The following MYO1D variants were observed in gnomAD, a reference collection of about 807,000 sequenced individuals.
The protein encoded by MYO1D is myosin ID.
Under a neutral mutation model 122.0 loss-of-function variants are expected in MYO1D, and 83 were observed. That is an observed-to-expected ratio of 0.68 (90% CI 0.57 to 0.82). The LOEUF (loss-of-function observed/expected upper bound fraction) is 0.82, where lower values mean the gene tolerates loss of function less well. MYO1D is among the 40% of genes least tolerant of loss of function. The pLI is 0.00. For synonymous variants in MYO1D, 464 were observed against 446.9 expected, an observed-to-expected ratio of 1.04 and a Z score of -0.48; for missense variants, 1,157 against 1,269.5, an observed-to-expected ratio of 0.91 and a Z score of 1.35.
chr17:32,632,586 TACACACACACACACACAC>T (rs71144846), intron 20 of MYO1D: 8 of 96,566 alleles, frequency 8.3e-5, no homozygotes, highest in African/African-American at 4.1e-4. Context: ...TATATATATA[TACACACACACACACACAC>T]ACACACACAC....
intron 13 of MYO1D, among the ~76,000 whole-genome samples, chr17:32,740,866 A>G (rs968465729): frequency 6.6e-6 from 1 of 152,190 alleles, no homozygotes; most frequent in African/African-American, 2.4e-5. Context: ...CCCAGTATGT[A>G]TAATAGGTAA....
intron 1 of MYO1D, among the ~76,000 whole-genome samples, chr17:32,783,538 A>C (rs2151031175): frequency 6.6e-6 from 1 of 152,328 alleles, no homozygotes; most frequent in East Asian, 1.9e-4. Context: ...AAAATAATTG[A>C]ATGCATAACT....
At chr17:32,621,408 G>A (rs1006667879) in intron 20 of MYO1D, among the ~76,000 whole-genome samples, 1 of 151,838 alleles carries the variant, frequency 6.6e-6, no homozygotes, top group African/African-American at 2.4e-5. Flanking sequence ...CCCACTAAAC[G>A]ACAAGCAGAA....
chr17:32,753,069 T>C (rs1332935696), intron 11 of MYO1D, among the ~76,000 whole-genome samples: 4 of 152,196 alleles, frequency 2.6e-5, no homozygotes, highest in Non-Finnish European at 4.4e-5. Flanking sequence ...GATATACATA[T>C]ATATAATGGA....
At position 32,705,466 on chromosome 17, in the gene MYO1D, T is replaced by C. The variant is rs71377452; in HGVS notation, c.2121+6522A>G. Among the ~76,000 whole-genome samples the C allele has an allele frequency of 4.2e-3, 643 of 152,208 alleles. 3 individuals are homozygous for C. The highest frequency in any genetic ancestry group is 0.015 in the African/African-American group (625 of 41,548). ...TTTTAGTAGAGACGGGGTTTCACCA[T>C]GTTAGCCAGGATGGTCTAGAACTCC... On this transcript the variant is annotated intron_variant, in intron 16 of 21. Transcript: ENST00000318217.
At chr17:32,787,973 C>T (rs1250744636) in intron 1 of MYO1D, among the ~76,000 whole-genome samples, 1 of 152,172 alleles carries the variant, frequency 6.6e-6, no homozygotes, top group Non-Finnish European at 1.5e-5. Context: ...ATCTATACCA[C>T]ATTTTCTTTA....
At chr17:32,500,195 G>C (rs1279422994) in intron 21 of MYO1D, among the ~76,000 whole-genome samples, 6 of 152,186 alleles carry the variant, frequency 3.9e-5, no homozygotes, top group Admixed American at 3.9e-4. Flanking sequence ...GCCGCGTAAG[G>C]CTGCAGGCCT....
intron 1 of MYO1D, among the ~76,000 whole-genome samples, chr17:32,820,108 C>G (rs564189039): frequency 6.6e-6 from 1 of 152,290 alleles, no homozygotes; most frequent in South Asian, 2.1e-4. Flanking sequence ...AGGGTAGTTT[C>G]TCTTTTAAAA....
chr17:32,561,716 G>A (rs2087128182), intron 21 of MYO1D, among the ~76,000 whole-genome samples: 1 of 149,048 alleles, frequency 6.7e-6, no homozygotes, highest in African/African-American at 2.5e-5. Flanking sequence ...AAGAAAACTT[G>A]GAAAGTGACA....
At chr17:32,756,881 C>A (rs1303706514) in intron 10 of MYO1D, among the ~76,000 whole-genome samples, 3 of 152,184 alleles carry the variant, frequency 2.0e-5, no homozygotes, top group African/African-American at 7.2e-5. Flanking sequence ...CAATCCTCTG[C>A]CACACCTGTT....
chr17:32,621,072 C>A (rs2087849731), intron 20 of MYO1D, among the ~76,000 whole-genome samples: 2 of 151,990 alleles, frequency 1.3e-5, no homozygotes, highest in Non-Finnish European at 1.5e-5. Flanking sequence ...ATATACATAA[C>A]CTGAAGGTAA....
chr17:32,646,293 T>C (rs983010739), intron 19 of MYO1D, among the ~76,000 whole-genome samples: 73 of 152,252 alleles, frequency 4.8e-4, no homozygotes, highest in African/African-American at 1.7e-3. Flanking sequence ...TACTATCACT[T>C]GTATGAATCT....
At chr17:32,545,721 T>A (rs1324456578) in intron 21 of MYO1D, among the ~76,000 whole-genome samples, 2 of 152,060 alleles carry the variant, frequency 1.3e-5, no homozygotes, top group African/African-American at 2.4e-5. Flanking sequence ...AAATTTTATA[T>A]GCAATTCGCC....
intron 1 of MYO1D, among the ~76,000 whole-genome samples, chr17:32,789,004 T>G (rs947747306): frequency 3.3e-5 from 4 of 120,276 alleles, no homozygotes; most frequent in Admixed American, 2.4e-4. Flanking sequence ...TTGTTTTTTG[T>G]TTTGTTTTGT....
intron 21 of MYO1D, among the ~76,000 whole-genome samples, chr17:32,552,059 C>A (rs191541557): frequency 4.7e-4 from 72 of 152,280 alleles, no homozygotes; most frequent in Non-Finnish European, 4.1e-4. Flanking sequence ...TGCAGTCAAG[C>A]TTTACTTATG....
intron 16 of MYO1D, among the ~76,000 whole-genome samples, chr17:32,693,527 G>A (rs749484719): frequency 2.0e-5 from 3 of 152,146 alleles, no homozygotes; most frequent in Non-Finnish European, 4.4e-5. Flanking sequence ...CATAGGAAAT[G>A]TTTTCCTTGC....
At chr17:32,578,823 GTAGGAA>G (rs2087301801) in intron 21 of MYO1D, among the ~76,000 whole-genome samples, 1 of 152,078 alleles carries the variant, frequency 6.6e-6, no homozygotes, top group Non-Finnish European at 1.5e-5. Flanking sequence ...TTTATTACAT[GTAGGAA>G]TTGCCTAGGG....
intron 21 of MYO1D, among the ~76,000 whole-genome samples, chr17:32,512,247 CAGAGATGGCG>C (rs1909720237): frequency 6.6e-6 from 1 of 151,474 alleles, no homozygotes; most frequent in Non-Finnish European, 1.5e-5. Context: ...TTGCAGTGAG[CAGAGATGGCG>C]CCACTGCCTT....
intron 14 of MYO1D, among the ~76,000 whole-genome samples, chr17:32,737,518 G>A (rs2089719405): frequency 6.6e-6 from 1 of 152,056 alleles, no homozygotes; most frequent in Admixed American, 6.5e-5. Context: ...GTGCCACCAT[G>A]CCTGGCTAAT....
Sources: gnomAD v4.1 joint callset for allele counts (sites outside exome capture counted in the v4.1 genomes callset) on GRCh38, gnomAD v4.1.1 for gene constraint, MANE v1.5 for transcripts, NCBI Gene and HGNC (gene_info 2026-07-23, HGNC 2026-07-21) for gene names.